ERBB2: variants seen among roughly 807,000 people sequenced by gnomAD.
ERBB2 encodes the protein receptor tyrosine-protein kinase erbB-2.
A neutral mutation model predicts 149.0 loss-of-function variants in ERBB2; 61 were observed. The ratio of observed to expected loss-of-function variants is 0.41; its 90% CI spans 0.33 to 0.51. The LOEUF (loss-of-function observed/expected upper bound fraction) is 0.51, where lower values mean the gene tolerates loss of function less well. Among genes scored for constraint, ERBB2 ranks in the 20% least tolerant of loss-of-function variants. ERBB2 has a pLI of 0.25. For missense variants in ERBB2, 1,205 were observed against 1,655.1 expected (o/e 0.73, Z 4.72); for synonymous variants, 633 against 678.8 (o/e 0.93, Z 1.05).
At chr17:39,710,857 C>G (rs2058754930) in intron 7 of ERBB2, among the ~76,000 whole-genome samples, 1 of 152,220 alleles carries the variant, frequency 6.6e-6, no homozygotes, top group Non-Finnish European at 1.5e-5. Context: ...CTGGTATGTA[C>G]TAAGTGCTCC....
In ERBB2 at chr17:39,700,221, G is replaced by T. The variant is rs912375238; in HGVS notation, c.-18G>T. 1 of 1,436,908 alleles carries T rather than the reference G, an allele frequency of 7.0e-7. No homozygotes were observed. Among genetic ancestry groups the T allele is most frequent in the South Asian group, 1.4e-5 (1 of 70,754 alleles). The allele number at this position is 1,436,908 out of a possible 1,614,324, so 89.0% of individuals were successfully genotyped here. On this transcript the variant is annotated 5_prime_UTR_variant, in exon 1 of 27. Coordinates refer to ENST00000269571, the MANE Select transcript of ERBB2 (RefSeq NM_004448.4). Reference sequence around the variant, plus strand: ...CGGGTCCAGCCGGAGCCATGGGGCCGGAGCCGCAGTGAGCACCATGGAGCT... The same window carrying T: ...CGGGTCCAGCCGGAGCCATGGGGCCTGAGCCGCAGTGAGCACCATGGAGCT...
In ERBB2 at chr17:39,715,730, T is replaced by C. The variant is rs2059082447; in HGVS notation, c.1314-10T>C. 1.2e-6 allele frequency: 2 copies of C among 1,605,522 alleles called. No homozygotes were observed. Among genetic ancestry groups the C allele is most frequent in the Admixed American group, 1.7e-5 (1 of 60,008 alleles). On this transcript the variant is annotated splice_polypyrimidine_tract_variant and intron_variant, in intron 11 of 26. Coordinates refer to ENST00000269571, the MANE Select transcript of ERBB2 (RefSeq NM_004448.4). ...GGGTCCGTGGTAAGGTGCCCACCTT[T>C]CTCCCATAGTGGCGCCTACTCGCTG...
At position 39,725,376 on chromosome 17, in the gene ERBB2, C is replaced by A; in HGVS notation, c.2699C>A (p.Thr900Asn). Residue 900 changes from threonine to asparagine, a missense_variant, in exon 22 of 27, where the codon ACC becomes AAC. Thr to Asn is a moderately conservative substitution (Grantham distance 65). Around this residue, in one of 6 missense-constraint regions of ERBB2, gnomAD observed 152 missense variants for 318.1 expected, o/e 0.48. Transcript: ENST00000269571. The surrounding 1 kb of genome is among the most constrained non-coding windows in gnomAD (Gnocchi z 4.6). The part of the protein sequence containing the change: ...ALESILRRRF[T>N]HQSDVWSYGV... Reference sequence around the variant, plus strand: ...GAGTCCATTCTCCGCCGGCGGTTCACCCACCAGAGTGATGTGTGGAGTTAT... The same window carrying A: ...GAGTCCATTCTCCGCCGGCGGTTCAACCACCAGAGTGATGTGTGGAGTTAT... 1 of 1,613,942 alleles carries A rather than the reference C, an allele frequency of 6.2e-7. No individual in the cohort carries two copies. The highest frequency in any genetic ancestry group is 8.5e-7 in the Non-Finnish European group (1 of 1,179,962).
chr17:39,710,497 A>T lies in ERBB2; in HGVS notation c.901+16A>T, dbSNP rs1418979344. The T allele has an allele frequency of 4.3e-6, 7 of 1,613,586 alleles. No homozygotes were observed. The highest frequency in any genetic ancestry group is 1.6e-4 in the Middle Eastern group (1 of 6,084). ...GCCTGTCCCTGTGAGTGCCAGGGAG[A>T]AACACAGTTTTCTCATTTTGGTGGG... On this transcript the variant is annotated intron_variant, in intron 7 of 26. Coordinates refer to ENST00000269571, the MANE Select transcript of ERBB2 (RefSeq NM_004448.4).
chr17:39,716,636 G>T, intron 14 of ERBB2, 31 bp downstream of exon 14: 1 of 1,598,522 alleles, frequency 6.3e-7, no homozygotes. Flanking sequence ...GAGCTGGGTG[G>T]AGGGGGGCAG....
intron 9 of ERBB2, 105 bp downstream of exon 9, chr17:39,712,553 G>A (rs1000103734): frequency 2.9e-5 from 39 of 1,366,136 alleles, no homozygotes; most frequent in Non-Finnish European, 3.6e-5. Context: ...GAAGTGGGGG[G>A]ATCAAGAATG....
At chr17:39,693,077 A>T (rs1255598850), upstream of ERBB2, among the ~76,000 whole-genome samples, 2 of 152,168 alleles carry the variant, frequency 1.3e-5, no homozygotes, top group African/African-American at 2.4e-5. Context: ...AAAAACAAAA[A>T]CACAAAGAAA....
upstream of ERBB2, chr17:39,695,103 G>A (rs1385790522): frequency 2.6e-5 from 4 of 152,574 alleles, no homozygotes; most frequent in Non-Finnish European, 5.9e-5. Flanking sequence ...GCAGCACAGA[G>A]ACTCAGACCC....
At chr17:39,694,294 TATATATGTGTATATATATATAC>T (rs1567888302), upstream of ERBB2, among the ~76,000 whole-genome samples, 7 of 52,926 alleles carry the variant, frequency 1.3e-4, no homozygotes, top group African/African-American at 4.2e-4. Flanking sequence ...TATATACACA[TATATATGTGTATATATATATAC>T]ACACACACAT....
chr17:39,689,221 G>A (rs564469026), intron 2 of ERBB2, among the ~76,000 whole-genome samples: 2 of 152,260 alleles, frequency 1.3e-5, no homozygotes, highest in South Asian at 4.1e-4. Context: ...AAATCTCCAG[G>A]AGGCACCATT....
Position 39,728,121 on chromosome 17 carries a change from AG to A in ERBB2, c.*79del. 1 of 1,096,368 alleles carries A rather than the reference AG, an allele frequency of 9.1e-7. No individual in the cohort carries two copies. Among genetic ancestry groups the A allele is most frequent in the South Asian group, 1.6e-5 (1 of 63,630 alleles). The allele number at this position is 1,096,368 out of a possible 1,614,324, so 67.9% of individuals were successfully genotyped here. On this transcript the variant is annotated 3_prime_UTR_variant, in exon 27 of 27. Coordinates refer to ENST00000269571, the MANE Select transcript of ERBB2 (RefSeq NM_004448.4). ...AGGCCTGACTTCTGCTGGCATCAAG[AG>A]GTGGGAGGGCCCTCCGACCACTTCC...
At chr17:39,717,789 T>TC in intron 15 of ERBB2, 2 of 190,902 alleles carry the variant, frequency 1.0e-5, no homozygotes, top group Non-Finnish European at 2.0e-5. Flanking sequence ...GTGCACATTT[T>TC]AACACACACA....
chr17:39,727,025 G>T lies in ERBB2; in HGVS notation c.3159+22G>T. The T allele has an allele frequency of 6.4e-7, 1 of 1,555,942 alleles. No homozygotes were observed. The highest frequency in any genetic ancestry group is 1.4e-5 in the African/African-American group (1 of 73,290). ...CAGGGTCAGTGCCCTCGGTCACACT[G>T]TGTGGCTGTCTGCTTACCTCCCCCA... On this transcript the variant is annotated intron_variant, in intron 25 of 26. Transcript: ENST00000269571. The surrounding 1 kb of genome is among the most constrained non-coding windows in gnomAD (Gnocchi z 4.3).
rs1189478261 is a variant in ERBB2 at position 39,725,715 on chromosome 17, G to A, written c.2734G>A (p.Val912Met). 2 of 1,612,658 alleles carry A rather than the reference G, an allele frequency of 1.2e-6. No homozygotes were observed. The highest frequency in any genetic ancestry group is 1.7e-6 in the Non-Finnish European group (2 of 1,179,354). ...CCCTGTCTCTGCCTTAGGTGTGACT[G>A]TGTGGGAGCTGATGACTTTTGGGGC... ...QSDVWSYGVT[V>M]WELMTFGAKP... is the part of the protein sequence containing the mutation. The change falls in exon 23 of 27, where the codon GTG becomes ATG. Residue 912 changes from valine to methionine, a missense_variant. Coordinates refer to ENST00000269571, the MANE Select transcript of ERBB2 (RefSeq NM_004448.4). This position sits in a 1 kb window ranked among gnomAD's most constrained non-coding sequence, Gnocchi z 4.6.
At position 39,716,444 on chromosome 17, in the gene ERBB2, C is replaced by T. The variant is rs1455314812; in HGVS notation, c.1646+11C>T. On this transcript the variant is annotated intron_variant, in intron 13 of 26. Coordinates refer to ENST00000269571, the MANE Select transcript of ERBB2 (RefSeq NM_004448.4). ...CCGAGTACTGCAGGGGTATGAGGGGCGGAGGAGAGGGTGGCTGGAGGGGTG... is the reference window on the plus strand; with the variant it reads ...CCGAGTACTGCAGGGGTATGAGGGGTGGAGGAGAGGGTGGCTGGAGGGGTG... The T allele has an allele frequency of 6.8e-6, 11 of 1,612,448 alleles. No individual in the cohort carries two copies. The highest frequency in any genetic ancestry group is 9.3e-6 in the Non-Finnish European group (11 of 1,178,882).
At chr17:39,721,712 A>G (rs1407609265) in intron 16 of ERBB2, among the ~76,000 whole-genome samples, 1 of 152,214 alleles carries the variant, frequency 6.6e-6, no homozygotes. Flanking sequence ...CATCAGGTGT[A>G]CATTCCTGTA....
chr17:39,713,316 G>T (rs1385513420), intron 9 of ERBB2: 1 of 151,942 alleles, frequency 6.6e-6, no homozygotes, highest in South Asian at 2.1e-4. Flanking sequence ...TAATAGAGAT[G>T]GGGTTTCACC....
In ERBB2 at chr17:39,728,127, G is replaced by C; in HGVS notation, c.*83G>C. 2 of 1,032,352 alleles carry C rather than the reference G, an allele frequency of 1.9e-6. No homozygotes were observed. The highest frequency in any genetic ancestry group is 2.8e-6 in the Non-Finnish European group (2 of 720,174). 63.9% of individuals were successfully genotyped at this position (1,032,352 alleles called of 1,614,324 possible). A position where few individuals can be genotyped will look rare whatever the true frequency, so the allele number is the denominator to read the frequency against. On this transcript the variant is annotated 3_prime_UTR_variant, in exon 27 of 27. Transcript: ENST00000269571. The stretch of plus-strand genomic sequence containing the variant: ...GACTTCTGCTGGCATCAAGAGGTGG[G>C]AGGGCCCTCCGACCACTTCCAGGGG...
In ERBB2 at chr17:39,708,479, T is replaced by C. The variant is rs749976401; in HGVS notation, c.384T>C (p.Pro128=). The C allele has an allele frequency of 1.2e-6, 2 of 1,614,156 alleles. No individual in the cohort carries two copies. The highest frequency in any genetic ancestry group is 8.5e-7 in the Non-Finnish European group (1 of 1,180,002). The part of the protein sequence containing the change: ...DNGDPLNNTT[P]VTGASPGGLR... ...GAGACCCGCTGAACAATACCACCCC[T>C]GTCACAGGGGCCTCCCCAGGAGGCC... The change falls in exon 3 of 27, where the codon CCT becomes CCC. Residue 128 remains proline, a synonymous_variant. Coordinates refer to ENST00000269571, the MANE Select transcript of ERBB2 (RefSeq NM_004448.4).
Sources: allele counts gnomAD v4.1 joint callset (sites outside exome capture counted in the v4.1 genomes callset), GRCh38; gene constraint gnomAD v4.1.1; regional missense constraint gnomAD v4.1.1; non-coding constraint Gnocchi (gnomAD v3.1); transcripts MANE v1.5; gene names NCBI Gene and HGNC (gene_info 2026-07-23, HGNC 2026-07-21).